The following EXT2 variants were observed in gnomAD, a reference collection of about 807,000 sequenced individuals.
EXT2 encodes the protein exostosin-2.
EXT2 carries 53 observed loss-of-function variants against 81.6 expected under a neutral mutation model. The ratio of observed to expected loss-of-function variants is 0.65; its 90% CI spans 0.52 to 0.82. The LOEUF is 0.82. EXT2 is among the 40% of genes least tolerant of loss of function. EXT2 has a pLI of 0.00. For synonymous variants in EXT2, 320 were observed against 340.0 expected, an observed-to-expected ratio of 0.94 and a Z score of 0.65; for missense variants, 774 against 910.2, an observed-to-expected ratio of 0.85 and a Z score of 1.93.
At chr11:44,205,253 A>C (rs1431575761) in intron 9 of EXT2, among the ~76,000 whole-genome samples, 3 of 152,248 alleles carry the variant, frequency 2.0e-5, no homozygotes, top group Non-Finnish European at 2.9e-5. Context: ...GTTGCTTAAC[A>C]AAGTTCCCTT....
intron 7 of EXT2, among the ~76,000 whole-genome samples, chr11:44,144,930 T>C (rs1014651514): frequency 6.6e-6 from 1 of 152,132 alleles, no homozygotes; most frequent in Non-Finnish European, 1.5e-5. Context: ...TCTGGGAACA[T>C]AGTGGTGAAG....
At chr11:44,118,592 T>C (rs1336346839) in intron 4 of EXT2, among the ~76,000 whole-genome samples, 1 of 152,232 alleles carries the variant, frequency 6.6e-6, no homozygotes, top group African/African-American at 2.4e-5. Flanking sequence ...GTATTCATCA[T>C]TAAATATGAG....
intron 7 of EXT2, among the ~76,000 whole-genome samples, chr11:44,166,742 A>G (rs1954999657): frequency 1.3e-5 from 2 of 152,324 alleles, no homozygotes; most frequent in East Asian, 1.9e-4. Flanking sequence ...ACTCCCTTGC[A>G]TAAATCCAAA....
rs773367304 is a variant in EXT2 at position 44,249,187 on chromosome 11, A to G, written c.*4900A>G. Among the ~76,000 whole-genome samples the G allele has an allele frequency of 6.6e-6, 1 of 152,058 alleles. No homozygotes were observed. Among genetic ancestry groups the G allele is most frequent in the Non-Finnish European group, 1.5e-5 (1 of 67,996 alleles). On this transcript the variant is annotated 3_prime_UTR_variant, in exon 14 of 14. Transcript: ENST00000533608. ...GATCTTTTAATTTTTTTGGAGAGAC[A>G]GGGCCTCACTATGTTGCCTAGGCTG... is the stretch of plus-strand genomic sequence containing the variant.
In EXT2 at chr11:44,109,262, C is replaced by A. The variant is rs771803942; in HGVS notation, c.605C>A (p.Ala202Asp). ...LPGGPPDYNT[A>D]LDVPRDRALL... ...GGAGGTCCCCCAGATTATAACACAG[C>A]CCTGGATGTCCCCAGAGACAGGTAG... The change falls in exon 3 of 14, where the codon GCC becomes GAC. Residue 202 changes from alanine (A) to aspartate (D), a missense_variant. By Grantham distance (126) the Ala-to-Asp change is moderately radical (BLOSUM62 -2). Around this residue, in one of 2 missense-constraint regions of EXT2, gnomAD observed 626 missense variants for 670.5 expected, o/e 0.93. Transcript: ENST00000533608. 1 of 1,613,984 alleles carries A rather than the reference C, an allele frequency of 6.2e-7. No homozygotes were observed. The highest frequency in any genetic ancestry group is 8.5e-7 in the Non-Finnish European group (1 of 1,179,972).
At chr11:44,153,898 G>T (rs931609220) in intron 7 of EXT2, among the ~76,000 whole-genome samples, 14 of 151,206 alleles carry the variant, frequency 9.3e-5, no homozygotes, top group Admixed American at 3.3e-4. Context: ...TTTACACAAT[G>T]TTGGATTTGA....
At chr11:44,104,513 A>C (rs1273374643) in intron 1 of EXT2, 1 of 152,242 alleles carries the variant, frequency 6.6e-6, no homozygotes, top group African/African-American at 2.4e-5. Flanking sequence ...GCTTGTTTTT[A>C]AATGACATAT....
intron 8 of EXT2, among the ~76,000 whole-genome samples, chr11:44,187,450 G>C (rs553748043): frequency 6.6e-6 from 1 of 151,504 alleles, no homozygotes; most frequent in Non-Finnish European, 1.5e-5. Flanking sequence ...CTCCCACCCT[G>C]GCAAGTTTCT....
chr11:44,242,717 G>A lies in EXT2; in HGVS notation c.2019-1432G>A, dbSNP rs1956050947. 2.6e-5 allele frequency among the ~76,000 whole-genome samples: 4 copies of A among 152,180 alleles called. No individual in the cohort carries two copies. In the South Asian group the frequency reaches 8.3e-4, roughly 31 times the overall value. ...ATGTAAATTATCTGTCACATAATAG[G>A]TGCTCAGCAGTTGTTAATTTCCAGT... On this transcript the variant is annotated intron_variant, in intron 13 of 13. Coordinates refer to ENST00000533608, the MANE Select transcript of EXT2 (RefSeq NM_207122.2).
chr11:44,217,736 T>C (rs1955736904), intron 10 of EXT2, among the ~76,000 whole-genome samples: 2 of 152,138 alleles, frequency 1.3e-5, no homozygotes, highest in Non-Finnish European at 2.9e-5. Flanking sequence ...AGCTGGGAAA[T>C]AAAAAGCAAC....
chr11:44,180,275 C>T (rs576165109), intron 8 of EXT2, among the ~76,000 whole-genome samples: 388 of 152,282 alleles, frequency 2.5e-3, no homozygotes, highest in Non-Finnish European at 4.1e-3. Context: ...CCTATACACT[C>T]CTCCTGTTCC....
chr11:44,224,642 G>A (rs1955819799), intron 10 of EXT2, among the ~76,000 whole-genome samples: 1 of 152,126 alleles, frequency 6.6e-6, no homozygotes, highest in Admixed American at 6.6e-5. Flanking sequence ...GTTTTGGGAA[G>A]CAGATTTATG....
At chr11:44,102,245 C>T (rs888185058) in intron 1 of EXT2, among the ~76,000 whole-genome samples, 5 of 152,128 alleles carry the variant, frequency 3.3e-5, no homozygotes, top group Non-Finnish European at 5.9e-5. Flanking sequence ...ATATAGGGTT[C>T]GGGCTGATAA....
chr11:44,119,124 T>TTATG (rs1954266256), intron 4 of EXT2, among the ~76,000 whole-genome samples: 3 of 25,642 alleles, frequency 1.2e-4, no homozygotes, highest in Non-Finnish European at 3.6e-4. Flanking sequence ...ATTTGGCTAT[T>TTATG]TATATATATA....
At chr11:44,131,268 C>T (rs1378562832) in intron 7 of EXT2, among the ~76,000 whole-genome samples, 1 of 152,070 alleles carries the variant, frequency 6.6e-6, no homozygotes, top group Non-Finnish European at 1.5e-5. Context: ...TAGAAAATTC[C>T]CCTTAATTGT....
chr11:44,176,621 T>C (rs923552783), intron 8 of EXT2, among the ~76,000 whole-genome samples: 2 of 152,182 alleles, frequency 1.3e-5, no homozygotes, highest in African/African-American at 4.8e-5. Context: ...TGAATAGCGA[T>C]GGTTTATTTA....
intron 8 of EXT2, among the ~76,000 whole-genome samples, chr11:44,184,492 C>G (rs1274152110): frequency 1.3e-5 from 2 of 152,140 alleles, no homozygotes; most frequent in African/African-American, 4.8e-5. Flanking sequence ...TGGCTCACGC[C>G]TATAATCCCA....
rs142827945 is a variant in EXT2, at chr11:44,124,895, G to A, written c.850G>A (p.Asp284Asn). The A allele has an allele frequency of 1.1e-5, 18 of 1,613,946 alleles. No homozygotes were observed. Among genetic ancestry groups the A allele is most frequent in the East Asian group, 8.9e-5 (4 of 44,874 alleles). ...ACATGGAGAGTCAGTGTTAGTACTC[G>A]ATAAATGCACCAACCTCTCAGAGGG... Reference protein sequence around the residue: ...VKHGESVLVLDKCTNLSEGVL... With the variant: ...VKHGESVLVLNKCTNLSEGVL... The change falls in exon 5 of 14, where the codon GAT (aspartate) becomes AAT (asparagine). Residue 284 changes from aspartate (D) to asparagine (N), a missense_variant. Physicochemically the swap from Asp to Asn is conservative, Grantham distance 23. Around this residue, in one of 2 missense-constraint regions of EXT2, gnomAD observed 626 missense variants for 670.5 expected, o/e 0.93. Coordinates refer to ENST00000533608, the MANE Select transcript of EXT2 (RefSeq NM_207122.2).
intron 8 of EXT2, among the ~76,000 whole-genome samples, chr11:44,185,721 G>T (rs930498995): frequency 2.0e-5 from 3 of 152,160 alleles, no homozygotes; most frequent in Non-Finnish European, 4.4e-5. Flanking sequence ...TTATAACTGT[G>T]TTGGTGTTTT....
Sources: gnomAD v4.1 joint callset for allele counts (sites outside exome capture counted in the v4.1 genomes callset) on GRCh38, gnomAD v4.1.1 for gene constraint, gnomAD v4.1.1 regional missense constraint, MANE v1.5 for transcripts, NCBI Gene and HGNC (gene_info 2026-07-23, HGNC 2026-07-21) for gene names.